VPS26C: variants seen among roughly 807,000 people sequenced by gnomAD.
VPS26C encodes the protein VPS26 endosomal protein sorting factor C.
VPS26C carries 19 observed loss-of-function variants against 30.6 expected under a neutral mutation model. That is an observed-to-expected ratio of 0.62 (90% CI 0.43 to 0.91). The LOEUF is 0.91. Ranked by LOEUF, VPS26C falls within the 40% of genes least tolerant of loss-of-function variation. The pLI is 0.00. For missense variants in VPS26C, 318 were observed against 385.1 expected (o/e 0.83, Z 1.46); for synonymous variants, 132 against 151.5 (o/e 0.87, Z 0.95).
intron 1 of VPS26C, among the ~76,000 whole-genome samples, chr21:37,245,012 A>G (rs557137666): frequency 5.3e-4 from 80 of 152,344 alleles, no homozygotes; most frequent in African/African-American, 1.7e-3. Flanking sequence ...GGGCTCATGC[A>G]AAGTCAAGAT....
chr21:37,247,153 A>G (rs1270787630), intron 1 of VPS26C, among the ~76,000 whole-genome samples: 1 of 152,234 alleles, frequency 6.6e-6, no homozygotes, highest in Non-Finnish European at 1.5e-5. Context: ...CAAGTGTTTA[A>G]TAGCCACACT....
At chr21:37,240,433 C>G in intron 2 of VPS26C, 63 bp downstream of exon 2, 2 of 1,588,258 alleles carry the variant, frequency 1.3e-6, no homozygotes, top group African/African-American at 1.3e-5. Context: ...CCCTGAGCCA[C>G]TGCGCCCAGC....
intron 1 of VPS26C, 90 bp downstream of exon 1, chr21:37,267,148 G>C (rs1391387736): frequency 3.3e-6 from 4 of 1,195,164 alleles, no homozygotes; most frequent in Non-Finnish European, 4.9e-6. Flanking sequence ...CCCCGCCTAG[G>C]GACGCGGGAC....
chr21:37,231,214 GACAC>G (rs1285595141), intron 5 of VPS26C, among the ~76,000 whole-genome samples: 3 of 152,156 alleles, frequency 2.0e-5, no homozygotes, highest in Non-Finnish European at 2.9e-5. Flanking sequence ...GCAAGAAAAA[GACAC>G]ACACACTCGA....
intron 1 of VPS26C, among the ~76,000 whole-genome samples, chr21:37,243,917 T>C (rs1031961560): frequency 6.6e-6 from 1 of 152,198 alleles, no homozygotes; most frequent in African/African-American, 2.4e-5. Context: ...TGGGTCTGTA[T>C]CTTCTGGGCA....
intron 1 of VPS26C, among the ~76,000 whole-genome samples, chr21:37,258,739 C>CAGCTTGCAGGGGGTGAAGTGTGTGCAA (rs1446787362): frequency 1.4e-4 from 21 of 152,080 alleles, no homozygotes; most frequent in Non-Finnish European, 2.9e-4. Flanking sequence ...ATCTAGCAAG[C>CAGCTTGCAGGGGGTGAAGTGTGTGCAA]AGCTTGCAGG....
At chr21:37,244,540 C>A (rs1228549550) in intron 1 of VPS26C, among the ~76,000 whole-genome samples, 2 of 152,196 alleles carry the variant, frequency 1.3e-5, no homozygotes, top group Non-Finnish European at 2.9e-5. Context: ...ACTTTGTATT[C>A]TCTAAATGTA....
Position 37,228,244 on chromosome 21 carries a change from G to A in VPS26C, c.637C>T (p.Leu213=). ...TCACCGCACGTCTCCACGCGCACCA[G>A]CTGCAGCTCCACGCTTCTGATGGCG... is the stretch of plus-strand genomic sequence containing the variant. The part of the protein sequence containing the change: ...EAAIRSVELQ[L]VRVETCGCAE... Residue 213 remains leucine, a synonymous_variant, in exon 6 of 8, where the codon CTG becomes TTG. Transcript: ENST00000309117. 6.2e-7 allele frequency: 1 copy of A among 1,613,422 alleles called. No homozygotes were observed.
chr21:37,267,604 A>G, upstream of VPS26C: 1 of 422,704 alleles, frequency 2.4e-6, no homozygotes, highest in East Asian at 4.7e-5. Context: ...TACGCCGGAA[A>G]TGCTCCTTTG....
chr21:37,240,741 G>T, intron 1 of VPS26C, 102 bp from the exon 2 acceptor site: 1 of 1,441,450 alleles, frequency 6.9e-7, no homozygotes, highest in Non-Finnish European at 9.2e-7. Flanking sequence ...TTTGTTTAAA[G>T]ATCCAGACAT....
At chr21:37,260,358 A>AT (rs1157868886) in intron 1 of VPS26C, among the ~76,000 whole-genome samples, 2 of 152,180 alleles carry the variant, frequency 1.3e-5, no homozygotes, top group Admixed American at 6.5e-5. Flanking sequence ...TGATTATCTC[A>AT]TATCACCCAT....
Position 37,257,749 on chromosome 21 carries a change from G to C in VPS26C, c.57+9489C>G, listed in dbSNP as rs1336664835. ...ACTGGAGGGGAGGGAAAGGGGTGGG[G>C]AGCGAGGGTACCAGAGGCGTGGGAG... On this transcript the variant is annotated intron_variant, in intron 1 of 7. Transcript: ENST00000309117. This position sits in a 1 kb window ranked among gnomAD's most constrained non-coding sequence, Gnocchi z 4.2. Among the ~76,000 whole-genome samples the C allele has an allele frequency of 6.6e-6, 1 of 152,198 alleles. No homozygotes were observed. Among genetic ancestry groups the C allele is most frequent in the Non-Finnish European group, 1.5e-5 (1 of 68,034 alleles).
chr21:37,264,368 G>A (rs989373459), intron 1 of VPS26C, among the ~76,000 whole-genome samples: 7 of 152,170 alleles, frequency 4.6e-5, no homozygotes, highest in African/African-American at 9.7e-5. Context: ...AGCTGACTCT[G>A]TCTTCAACTC....
intron 1 of VPS26C, among the ~76,000 whole-genome samples, chr21:37,253,170 A>G (rs1322335453): frequency 6.6e-6 from 1 of 152,270 alleles, no homozygotes; most frequent in Non-Finnish European, 1.5e-5. Context: ...CTGTAACAAA[A>G]TAACAAGATA....
rs2086257295 is a variant in VPS26C at position 37,257,634 on chromosome 21, C to T, written c.57+9604G>A. On this transcript the variant is annotated intron_variant, in intron 1 of 7. Transcript: ENST00000309117. This position sits in a 1 kb window ranked among gnomAD's most constrained non-coding sequence, Gnocchi z 4.2. ...AACTCCAGTGTGGTTGAAATGAAAG[C>T]AGAAAGCAAATGGCAAGCTGGCTTC... 6.6e-6 allele frequency among the ~76,000 whole-genome samples: 1 copy of T among 152,164 alleles called. No individual in the cohort carries two copies. Among genetic ancestry groups the T allele is most frequent in the Non-Finnish European group, 1.5e-5 (1 of 68,036 alleles).
chr21:37,259,535 A>G (rs532494589), intron 1 of VPS26C, among the ~76,000 whole-genome samples: 3 of 152,366 alleles, frequency 2.0e-5, no homozygotes, highest in Admixed American at 2.0e-4. Context: ...TTATATTTAC[A>G]CTACAGAAAG....
chr21:37,243,929 C>T (rs1324907678), intron 1 of VPS26C, among the ~76,000 whole-genome samples: 1 of 152,214 alleles, frequency 6.6e-6, no homozygotes, highest in Admixed American at 6.5e-5. Context: ...TTCTGGGCAG[C>T]TGTCCTCTCT....
At chr21:37,237,366 A>G (rs564530107) in intron 3 of VPS26C, 30 of 152,324 alleles carry the variant, frequency 2.0e-4, no homozygotes, top group Admixed American at 1.5e-3. Context: ...AATGTTCAAG[A>G]TATCTTCAGT....
intron 1 of VPS26C, among the ~76,000 whole-genome samples, chr21:37,259,717 G>A (rs751950185): frequency 3.3e-5 from 5 of 152,074 alleles, no homozygotes; most frequent in Admixed American, 6.6e-5. Flanking sequence ...CAAAATCGCC[G>A]TCACCTCCGT....
Sources: allele counts gnomAD v4.1 joint callset (sites outside exome capture counted in the v4.1 genomes callset), GRCh38; gene constraint gnomAD v4.1.1; non-coding constraint Gnocchi (gnomAD v3.1); transcripts MANE v1.5; gene names NCBI Gene and HGNC (gene_info 2026-07-23, HGNC 2026-07-21).